Variants in C13orf42 observed in about 807,000 individuals in gnomAD.
C13orf42 encodes the protein uncharacterized protein C13orf42.
At chr13:51,123,225 A>G (rs1176028970) in intron 1 of C13orf42, among the ~76,000 whole-genome samples, 1 of 152,188 alleles carries the variant, frequency 6.6e-6, no homozygotes, top group Non-Finnish European at 1.5e-5. Context: ...TGTGACAACA[A>G]ATAACTCCAA....
intron 1 of C13orf42, among the ~76,000 whole-genome samples, chr13:51,150,997 C>T (rs1422156349): frequency 3.9e-5 from 6 of 152,156 alleles, no homozygotes; most frequent in African/African-American, 1.4e-4. Context: ...TTCAGAACCC[C>T]CCTGGCCTGA....
intron 1 of C13orf42, among the ~76,000 whole-genome samples, chr13:51,158,060 T>C (rs1176527452): frequency 6.6e-6 from 1 of 152,198 alleles, no homozygotes; most frequent in East Asian, 1.9e-4. Context: ...CCTTACACAG[T>C]GGACTTTGTG....
At chr13:51,167,137 G>A (rs1953909010) in intron 1 of C13orf42, among the ~76,000 whole-genome samples, 1 of 151,912 alleles carries the variant, frequency 6.6e-6, no homozygotes, top group Admixed American at 6.6e-5. Flanking sequence ...GCCAATATTT[G>A]TCAAGGGCTA....
intron 1 of C13orf42, among the ~76,000 whole-genome samples, chr13:51,119,824 G>A (rs1321522148): frequency 1.3e-5 from 2 of 152,060 alleles, no homozygotes; most frequent in African/African-American, 2.4e-5. Context: ...TTCTGGAGGC[G>A]GATGGTGGTG....
upstream of C13orf42, among the ~76,000 whole-genome samples, chr13:51,114,651 T>TAGAC (rs59801187): frequency 5.6e-3 from 799 of 142,468 alleles, 6 homozygotes; most frequent in South Asian, 0.011. Context: ...TAGATAGAGA[T>TAGAC]AGACAGACAG....
intron 1 of C13orf42, among the ~76,000 whole-genome samples, chr13:51,129,653 C>T (rs557474592): frequency 3.4e-4 from 51 of 152,184 alleles, no homozygotes; most frequent in African/African-American, 9.6e-4. Context: ...GTTGAACGCA[C>T]GACAAAAATC....
intron 1 of C13orf42, among the ~76,000 whole-genome samples, chr13:51,134,859 G>A (rs1953645113): frequency 6.6e-6 from 1 of 152,190 alleles, no homozygotes; most frequent in South Asian, 2.1e-4. Flanking sequence ...CTCAGAGATT[G>A]GTCTGCCTGC....
At chr13:51,153,621 GTTTTTTTTCTTTTTTTT>G (rs1292316194) in intron 1 of C13orf42, among the ~76,000 whole-genome samples, 10 of 82,036 alleles carry the variant, frequency 1.2e-4, no homozygotes, top group South Asian at 8.1e-4. Flanking sequence ...CTTGCTTTCT[GTTTTTTTTCTTTTTTTT>G]TTTTTTTTTT....
chr13:51,090,954 C>T (rs1337421979), intron 1 of C13orf42, among the ~76,000 whole-genome samples: 1 of 152,228 alleles, frequency 6.6e-6, no homozygotes, highest in Non-Finnish European at 1.5e-5. Context: ...TGGACAATAG[C>T]CCTTTCAGCT....
At chr13:51,161,815 T>C (rs987501431) in intron 1 of C13orf42, 32 of 377,474 alleles carry the variant, frequency 8.5e-5, no homozygotes, top group African/African-American at 4.0e-4. Flanking sequence ...CGTTAGGCAC[T>C]GTGAGGGATA....
At chr13:51,156,439 A>C (rs1953824844) in intron 1 of C13orf42, among the ~76,000 whole-genome samples, 1 of 152,204 alleles carries the variant, frequency 6.6e-6, no homozygotes. Context: ...TGAGAAAATT[A>C]AGGCACAGAG....
At chr13:51,161,619 G>A (rs193227915) in intron 1 of C13orf42, 361 of 166,832 alleles carry the variant, frequency 2.2e-3, no homozygotes, top group African/African-American at 8.1e-3. Flanking sequence ...CTAACTAGTC[G>A]ATCCTAAGCT....
chr13:51,114,167 TGTG>T (rs1953463123), upstream of C13orf42, among the ~76,000 whole-genome samples: 1 of 152,200 alleles, frequency 6.6e-6, no homozygotes, highest in South Asian at 2.1e-4. Flanking sequence ...AGCCTGGTCT[TGTG>T]GTGTTGCTCA....
At chr13:51,085,582 C>T (rs1953114197) in intron 2 of C13orf42, 23 bp from the exon 3 acceptor site, 1 of 398,730 alleles carries the variant, frequency 2.5e-6, no homozygotes, top group East Asian at 3.6e-5. Context: ...AGCATGTGAC[C>T]CAGGAAGGAA....
chr13:51,115,465 C>T (rs1953481615), upstream of C13orf42, among the ~76,000 whole-genome samples: 1 of 152,186 alleles, frequency 6.6e-6, no homozygotes, highest in Admixed American at 6.5e-5. Context: ...CATGGTGTAA[C>T]CGGGGATAGT....
intron 1 of C13orf42, among the ~76,000 whole-genome samples, chr13:51,108,230 G>T (rs1953383516): frequency 6.6e-6 from 1 of 152,170 alleles, no homozygotes; most frequent in East Asian, 1.9e-4. Flanking sequence ...CAATCACCTA[G>T]TTTCTAACTG....
At chr13:51,170,742 C>T (rs1484323381) in intron 1 of C13orf42, among the ~76,000 whole-genome samples, 7 of 152,062 alleles carry the variant, frequency 4.6e-5, no homozygotes, top group Admixed American at 1.3e-4. Context: ...CACGCAGGGA[C>T]GCCTGCCTTG....
chr13:51,142,195 A>G (rs1394577564), intron 1 of C13orf42, among the ~76,000 whole-genome samples: 2 of 152,268 alleles, frequency 1.3e-5, no homozygotes, highest in Non-Finnish European at 2.9e-5. Context: ...GTCCATAGAC[A>G]ATAAGTAGGT....
At chr13:51,108,684 A>G (rs905897177) in intron 1 of C13orf42, among the ~76,000 whole-genome samples, 1 of 152,222 alleles carries the variant, frequency 6.6e-6, no homozygotes, top group Non-Finnish European at 1.5e-5. Context: ...TTCCATTACT[A>G]CCTGACAGAA....
Sources: allele counts gnomAD v4.1 joint callset (sites outside exome capture counted in the v4.1 genomes callset), GRCh38; gene constraint gnomAD v4.1.1; transcripts MANE v1.5; gene names NCBI Gene and HGNC (gene_info 2026-07-23, HGNC 2026-07-21).